GLS: variants seen among roughly 807,000 people sequenced by gnomAD.
GLS encodes the protein glutaminase kidney isoform, mitochondrial.
Under a neutral mutation model 86.7 loss-of-function variants are expected in GLS, and 36 were observed. The ratio of observed to expected loss-of-function variants is 0.42; its 90% CI spans 0.32 to 0.55. The LOEUF (loss-of-function observed/expected upper bound fraction) is 0.55, where lower values mean the gene tolerates loss of function less well. Among genes scored for constraint, GLS ranks in the 20% least tolerant of loss-of-function variants. The pLI is 0.17. For missense variants in GLS, 528 were observed against 833.4 expected (o/e 0.63, Z 4.51); for synonymous variants, 317 against 305.9 (o/e 1.04, Z -0.38).
intron 14 of GLS, among the ~76,000 whole-genome samples, chr2:190,942,067 CTTTTTTTTTTTTTTTTT>C (rs3036653): frequency 2.6e-5 from 1 of 38,054 alleles, no homozygotes; most frequent in African/African-American, 6.6e-5. Flanking sequence ...ACTTTGAAGA[CTTTTTTTTTTTTTTTTT>C]TTTTTTTTTT....
At position 190,901,940 on chromosome 2, in the gene GLS, TG is replaced by T; in HGVS notation, c.736-5del. ...ATCTATTCATTTCTTTCCAATCTTT[TG>T]GATAGGTTGCAGATTATATTCCTCA... On this transcript the variant is annotated splice_region_variant and splice_polypyrimidine_tract_variant and intron_variant, in intron 4 of 17. Transcript: ENST00000320717. The T allele has an allele frequency of 6.4e-7, 1 of 1,562,914 alleles. No individual in the cohort carries two copies. The highest frequency in any genetic ancestry group is 8.8e-7 in the Non-Finnish European group (1 of 1,133,592).
At chr2:190,958,438 A>C (rs1281095672) in intron 17 of GLS, among the ~76,000 whole-genome samples, 1 of 152,000 alleles carries the variant, frequency 6.6e-6, no homozygotes, top group Non-Finnish European at 1.5e-5. Flanking sequence ...TTCTGCTCTT[A>C]GTTAATTCCT....
Position 190,953,537 on chromosome 2 carries a change from G to A in GLS, c.1651-28G>A. 2 of 1,514,198 alleles carry A rather than the reference G, an allele frequency of 1.3e-6. No individual in the cohort carries two copies. The highest frequency in any genetic ancestry group is 1.4e-5 in the African/African-American group (1 of 73,048). 93.8% of individuals were successfully genotyped at this position (1,514,198 alleles called of 1,614,324 possible). On this transcript the variant is annotated intron_variant, in intron 14 of 17. Transcript: ENST00000320717. The surrounding 1 kb of genome is among the most constrained non-coding windows in gnomAD (Gnocchi z 4.0). ...GTTGTATGTGTTTTCTCTCTCCTAA[G>A]GATGCCTAAACTTTCTTTTCTTCAC... is the stretch of plus-strand genomic sequence containing the variant.
chr2:190,959,145 G>T (rs1226076280), intron 17 of GLS, among the ~76,000 whole-genome samples: 1 of 151,574 alleles, frequency 6.6e-6, no homozygotes, highest in Non-Finnish European at 1.5e-5. Flanking sequence ...AGCTCTTCTT[G>T]TTGCATTGAT....
rs1689710031 is a variant in GLS at position 190,920,931 on chromosome 2, TTATAA to T, written c.1039-90_1039-86del. ...GATTTAAAAATACTAATGCAGTATA[TTATAA>T]TAGTAGCTTTGAAATTTTGATATTG... is the stretch of plus-strand genomic sequence containing the variant. On this transcript the variant is annotated intron_variant, in intron 7 of 17. Coordinates refer to ENST00000320717, the MANE Select transcript of GLS (RefSeq NM_014905.5). This position sits in a 1 kb window ranked among gnomAD's most constrained non-coding sequence, Gnocchi z 4.2. 1.2e-5 allele frequency: 8 copies of T among 689,050 alleles called. No homozygotes were observed. Among genetic ancestry groups the T allele is most frequent in the Non-Finnish European group, 2.1e-5 (8 of 379,030 alleles). 42.7% of individuals were successfully genotyped at this position (689,050 alleles called of 1,614,324 possible).
At chr2:190,934,545 T>G (rs1039916193) in intron 14 of GLS, 2 of 983,848 alleles carry the variant, frequency 2.0e-6, no homozygotes, top group African/African-American at 3.5e-5. Context: ...TTATGTTAGT[T>G]GCACCAGGGC....
chr2:190,959,365 ACT>A (rs1330167096), intron 17 of GLS, among the ~76,000 whole-genome samples: 3 of 150,934 alleles, frequency 2.0e-5, no homozygotes, highest in Admixed American at 2.0e-4. Flanking sequence ...ATGGGTCTTG[ACT>A]CTATCCAATT....
chr2:190,923,837 A>G, intron 9 of GLS, 80 bp from the exon 10 acceptor site: 1 of 856,004 alleles, frequency 1.2e-6, no homozygotes, highest in Admixed American at 2.1e-5. Context: ...TATGCTGTAC[A>G]TTGCTATGCA....
intron 7 of GLS, among the ~76,000 whole-genome samples, chr2:190,916,888 T>C (rs1021861155): frequency 6.6e-6 from 1 of 152,208 alleles, no homozygotes; most frequent in Non-Finnish European, 1.5e-5. Context: ...AAAAATATTT[T>C]ATAGGTAAGA....
chr2:190,938,397 C>G lies in GLS; in HGVS notation c.1650+6760C>G, dbSNP rs933018857. Among the ~76,000 whole-genome samples the G allele has an allele frequency of 6.6e-6, 1 of 151,538 alleles. No individual in the cohort carries two copies. Among genetic ancestry groups the G allele is most frequent in the Non-Finnish European group, 1.5e-5 (1 of 67,534 alleles). On this transcript the variant is annotated intron_variant, in intron 14 of 17. Coordinates refer to ENST00000320717, the MANE Select transcript of GLS (RefSeq NM_014905.5). This position sits in a 1 kb window ranked among gnomAD's most constrained non-coding sequence, Gnocchi z 4.1. ...CAGCAATTATATTTGGAATCCTGAG[C>G]TATAATTAAATTTATATTCTGTAAA...
At chr2:190,889,056 G>A (rs937276892) in intron 1 of GLS, among the ~76,000 whole-genome samples, 3 of 152,186 alleles carry the variant, frequency 2.0e-5, no homozygotes, top group African/African-American at 7.2e-5. Context: ...TCACTTTAGT[G>A]TAGTGATTTG....
chr2:190,956,218 T>C lies in GLS; in HGVS notation c.1853+1400T>C, dbSNP rs914706796. 6.6e-6 allele frequency among the ~76,000 whole-genome samples: 1 copy of C among 152,220 alleles called. No individual in the cohort carries two copies. Among genetic ancestry groups the C allele is most frequent in the Non-Finnish European group, 1.5e-5 (1 of 68,044 alleles). On this transcript the variant is annotated intron_variant, in intron 17 of 17. Transcript: ENST00000320717. This position sits in a 1 kb window ranked among gnomAD's most constrained non-coding sequence, Gnocchi z 4.2. ...GCCCATGCCTATGTCCTGAATGGTATTGCCTAGGTTTTCTTCTAGGGTTTT... is the reference window on the plus strand; with the variant it reads ...GCCCATGCCTATGTCCTGAATGGTACTGCCTAGGTTTTCTTCTAGGGTTTT...
chr2:190,900,630 T>C lies in GLS; in HGVS notation c.672T>C (p.Phe224=). Residue 224 remains phenylalanine, a synonymous_variant, in exon 4 of 18, where the codon TTT becomes TTC. Coordinates refer to ENST00000320717, the MANE Select transcript of GLS (RefSeq NM_014905.5). ...AFRRKFVIPD[F]MSFTSHIDEL... is the part of the protein sequence containing the mutation. ...GAAGAAAGTTTGTGATTCCTGACTT[T>C]ATGTCTTTTACCTCACACATTGATG... 6.2e-7 allele frequency: 1 copy of C among 1,604,884 alleles called. No individual in the cohort carries two copies. Among genetic ancestry groups the C allele is most frequent in the Non-Finnish European group, 8.5e-7 (1 of 1,172,048 alleles).
Position 190,880,904 on chromosome 2 carries a change from CAGCAG to C in GLS, c.-180_-176del. 2.1e-6 allele frequency: 2 copies of C among 934,744 alleles called. No homozygotes were observed. The highest frequency in any genetic ancestry group is 2.1e-5 in the Admixed American group (1 of 48,044). 57.9% of individuals were successfully genotyped at this position (934,744 alleles called of 1,614,324 possible). On this transcript the variant is annotated 5_prime_UTR_variant, in exon 1 of 18. Coordinates refer to ENST00000320717, the MANE Select transcript of GLS (RefSeq NM_014905.5). ...GCAGCAGCAGCAGCAGCAGCAGCAG[CAGCAG>C]CAGCAGCAGCACCCGCATCCGCTGC... is the stretch of plus-strand genomic sequence containing the variant.
At chr2:190,911,893 C>A (rs137967884) in intron 7 of GLS, among the ~76,000 whole-genome samples, 1 of 152,062 alleles carries the variant, frequency 6.6e-6, no homozygotes, top group Non-Finnish European at 1.5e-5. Context: ...ACATACACTA[C>A]GCATAGTCTC....
At chr2:190,915,016 T>C (rs1026260694) in intron 7 of GLS, among the ~76,000 whole-genome samples, 8 of 151,924 alleles carry the variant, frequency 5.3e-5, no homozygotes, top group African/African-American at 1.9e-4. Flanking sequence ...AAAAATTTTA[T>C]AATTTACTTT....
rs943207532 is a variant in GLS, at chr2:190,901,585, T to G, written c.736-362T>G. ...AAATACTTGATTCCTAATGTTTTAG[T>G]GAAACCCTACTAGCACCCATGACCC... On this transcript the variant is annotated intron_variant, in intron 4 of 17. Transcript: ENST00000320717. Among the ~76,000 whole-genome samples, 3 of 151,912 alleles carry G rather than the reference T, an allele frequency of 2.0e-5. 1 individual carries two copies. The highest frequency in any genetic ancestry group is 2.0e-4 in the Admixed American group (3 of 15,236).
At position 190,951,370 on chromosome 2, in the gene GLS, C is replaced by T. The variant is rs770311966; in HGVS notation, c.1651-2195C>T. On this transcript the variant is annotated intron_variant, in intron 14 of 17. Transcript: ENST00000320717. The surrounding 1 kb of genome is among the most constrained non-coding windows in gnomAD (Gnocchi z 4.2). ...TAAAAATATACTTTCAGGAAATAAG[C>T]GCTGAAGGGAGAACAATAGGGTCAA... is the stretch of plus-strand genomic sequence containing the variant. Among the ~76,000 whole-genome samples, 2 of 152,004 alleles carry T rather than the reference C, an allele frequency of 1.3e-5. No individual in the cohort carries two copies. Among genetic ancestry groups the T allele is most frequent in the African/African-American group, 2.4e-5 (1 of 41,436 alleles).
At chr2:190,923,350 C>T (rs984461494) in intron 9 of GLS, among the ~76,000 whole-genome samples, 2 of 152,140 alleles carry the variant, frequency 1.3e-5, no homozygotes, top group African/African-American at 4.8e-5. Context: ...GTGCCATTCC[C>T]CAGTTACATC....
Sources: gnomAD v4.1 joint callset for allele counts (sites outside exome capture counted in the v4.1 genomes callset) on GRCh38, gnomAD v4.1.1 for gene constraint, Gnocchi (gnomAD v3.1) non-coding constraint, MANE v1.5 for transcripts, NCBI Gene and HGNC (gene_info 2026-07-23, HGNC 2026-07-21) for gene names.